Variants in NECAB1 observed in about 807,000 individuals in gnomAD.
The protein encoded by NECAB1 is N-terminal EF-hand calcium-binding protein 1.
A neutral mutation model predicts 57.5 loss-of-function variants in NECAB1; 29 were observed. That is an observed-to-expected ratio of 0.50 (90% CI 0.38 to 0.69). NECAB1 has a LOEUF of 0.69. Among genes scored for constraint, NECAB1 ranks in the 30% least tolerant of loss-of-function variants. NECAB1 has a pLI of 0.00. For synonymous variants in NECAB1, 142 were observed against 147.7 expected (o/e 0.96, Z 0.28); for missense variants, 372 against 413.8 (o/e 0.90, Z 0.88).
intron 5 of NECAB1, among the ~76,000 whole-genome samples, chr8:90,894,575 G>A (rs1168481643): frequency 6.6e-6 from 1 of 152,172 alleles, no homozygotes; most frequent in Non-Finnish European, 1.5e-5. Flanking sequence ...GTCTAGTACT[G>A]CAAGTGGCCC....
intron 10 of NECAB1, among the ~76,000 whole-genome samples, chr8:90,949,528 T>C (rs1226939113): frequency 6.6e-6 from 1 of 152,126 alleles, no homozygotes; most frequent in Non-Finnish European, 1.5e-5. Flanking sequence ...TTTGCAAAAG[T>C]TACATTTGTG....
chr8:90,889,841 A>G (rs887789703), intron 5 of NECAB1, among the ~76,000 whole-genome samples: 3 of 152,188 alleles, frequency 2.0e-5, no homozygotes, highest in African/African-American at 7.2e-5. Flanking sequence ...GCCATGTTCT[A>G]TTACTAGAAG....
chr8:90,817,279 T>C (rs1812074567), intron 2 of NECAB1, among the ~76,000 whole-genome samples: 1 of 151,796 alleles, frequency 6.6e-6, no homozygotes, highest in Non-Finnish European at 1.5e-5. Flanking sequence ...TGTTTCTACC[T>C]TCCCAATCTA....
chr8:90,930,476 T>C (rs746114779), intron 8 of NECAB1, among the ~76,000 whole-genome samples: 32 of 152,230 alleles, frequency 2.1e-4, no homozygotes, highest in Middle Eastern at 3.4e-3. Flanking sequence ...TAGGCAGAAA[T>C]ACCTAGTTAG....
Position 90,955,112 on chromosome 8 carries a change from T to TTAATTATATATATATA in NECAB1, c.1031-373_1031-372insATTATATATATATATA, listed in dbSNP as rs1234665098. Among the ~76,000 whole-genome samples the TTAATTATATATATATA allele has an allele frequency of 1.6e-3, 113 of 70,800 alleles. 2 individuals are homozygous for TTAATTATATATATATA. Among genetic ancestry groups the TTAATTATATATATATA allele is most frequent in the African/African-American group, 4.9e-3 (105 of 21,214 alleles). The allele number at this position is 70,800 out of a possible 152,430, so 46.4% of individuals were successfully genotyped here. ...ATTTCATAAATATTGGGTATATAAA[T>TTAATTATATATATATA]TATATATATATATATATATATATAT... On this transcript the variant is annotated intron_variant, in intron 12 of 12. Transcript: ENST00000417640.
chr8:90,872,032 T>C, intron 3 of NECAB1, 96 bp from the exon 4 acceptor site: 2 of 910,030 alleles, frequency 2.2e-6, no homozygotes, highest in Non-Finnish European at 3.4e-6. Context: ...CAATTAATAA[T>C]ATAGCTTGGA....
intron 9 of NECAB1, among the ~76,000 whole-genome samples, chr8:90,939,899 G>A (rs1185210396): frequency 6.6e-6 from 1 of 152,160 alleles, no homozygotes; most frequent in Non-Finnish European, 1.5e-5. Context: ...TATTACTGTG[G>A]AAGTTATTTT....
chr8:90,836,327 A>C (rs1263164737), intron 3 of NECAB1, among the ~76,000 whole-genome samples: 1 of 152,206 alleles, frequency 6.6e-6, no homozygotes, highest in Non-Finnish European at 1.5e-5. Context: ...AAAATAGACT[A>C]AATAGCAAAA....
intron 5 of NECAB1, among the ~76,000 whole-genome samples, chr8:90,893,519 A>G (rs994844353): frequency 1.3e-5 from 2 of 152,162 alleles, no homozygotes; most frequent in African/African-American, 4.8e-5. Flanking sequence ...TTCTGGACAG[A>G]TGGACAGCCC....
intron 1 of NECAB1, among the ~76,000 whole-genome samples, chr8:90,792,240 G>A (rs1452467459): frequency 6.6e-6 from 1 of 152,218 alleles, no homozygotes; most frequent in African/African-American, 2.4e-5. Flanking sequence ...GTTTCGTAGA[G>A]ACACTATTGC....
intron 5 of NECAB1, among the ~76,000 whole-genome samples, chr8:90,905,586 G>A (rs755044707): frequency 2.6e-5 from 4 of 152,132 alleles, no homozygotes; most frequent in Non-Finnish European, 5.9e-5. Context: ...ATTTTCTAAG[G>A]TTTTACTATA....
chr8:90,824,662 C>G (rs1364470736), intron 2 of NECAB1, 55 bp from the exon 3 acceptor site: 1 of 1,189,354 alleles, frequency 8.4e-7, no homozygotes, highest in South Asian at 1.6e-5. Flanking sequence ...AAAGCAAAAA[C>G]AGAACAATGT....
chr8:90,825,850 TATACTCAACA>T (rs1812214630), intron 3 of NECAB1, among the ~76,000 whole-genome samples: 1 of 151,878 alleles, frequency 6.6e-6, no homozygotes, highest in South Asian at 2.1e-4. Flanking sequence ...CATGGGTAAC[TATACTCAACA>T]ATAACTCTAG....
intron 8 of NECAB1, among the ~76,000 whole-genome samples, chr8:90,933,760 G>A (rs931336): frequency 0.52 from 79,584 of 151,756 alleles, 24,166 homozygotes; most frequent in African/African-American, 0.82. Flanking sequence ...AAGACTTCAC[G>A]GTCTTTATAG....
chr8:90,878,246 C>T (rs1189408264), intron 4 of NECAB1, among the ~76,000 whole-genome samples: 2 of 152,100 alleles, frequency 1.3e-5, no homozygotes, highest in African/African-American at 4.8e-5. Flanking sequence ...TGGAATGTTT[C>T]TCTCTCCTCT....
At chr8:90,895,092 T>A (rs548022855) in intron 5 of NECAB1, among the ~76,000 whole-genome samples, 10 of 152,158 alleles carry the variant, frequency 6.6e-5, no homozygotes, top group African/African-American at 1.9e-4. Context: ...CACATATGAT[T>A]GCATAGAGGC....
In NECAB1 at chr8:90,959,338, G is replaced by A. The variant is rs953310331; in HGVS notation, c.*3826G>A. The A allele has an allele frequency of 2.4e-5, 4 of 168,404 alleles. No homozygotes were observed. The highest frequency in any genetic ancestry group is 5.1e-5 in the Non-Finnish European group (4 of 79,170). The allele number at this position is 168,404 out of a possible 1,614,324, so 10.4% of individuals were successfully genotyped here. On this transcript the variant is annotated 3_prime_UTR_variant, in exon 13 of 13. Transcript: ENST00000417640. ...AAAATGAATTCTAATGTACAAGTTTGTTTTAAAAAGTGTATGTCAAGCTTT... is the reference window on the plus strand; with the variant it reads ...AAAATGAATTCTAATGTACAAGTTTATTTTAAAAAGTGTATGTCAAGCTTT...
At chr8:90,832,071 A>G (rs1812306321) in intron 3 of NECAB1, among the ~76,000 whole-genome samples, 1 of 152,124 alleles carries the variant, frequency 6.6e-6, no homozygotes, top group Non-Finnish European at 1.5e-5. Context: ...ACCTGTAGCC[A>G]TCGGATTTCC....
rs1809694317 is a variant in NECAB1, at chr8:90,907,014, T to C, written c.358-10478T>C. On this transcript the variant is annotated intron_variant, in intron 5 of 12. Transcript: ENST00000417640. The stretch of plus-strand genomic sequence containing the variant: ...GATCATCCCATCTCAGCCTCCTGAG[T>C]AGCTGGGACCACAGGCACATGCCAC... Among the ~76,000 whole-genome samples the C allele has an allele frequency of 2.0e-5, 3 of 149,846 alleles. No homozygotes were observed. In the Admixed American group the frequency reaches 2.0e-4, roughly 10 times the overall value.
Sources: gnomAD v4.1 joint callset for allele counts (sites outside exome capture counted in the v4.1 genomes callset) on GRCh38, gnomAD v4.1.1 for gene constraint, MANE v1.5 for transcripts, NCBI Gene and HGNC (gene_info 2026-07-23, HGNC 2026-07-21) for gene names.